The following ACBD6 variants were observed in gnomAD, a reference collection of about 807,000 sequenced individuals.
ACBD6 encodes the protein acyl-CoA binding domain containing 6.
Under a neutral mutation model 37.2 loss-of-function variants are expected in ACBD6, and 28 were observed. That is an observed-to-expected ratio of 0.75 (90% CI 0.56 to 1.03). The LOEUF is 1.03. ACBD6 is among the 50% of genes least tolerant of loss of function. The pLI is 0.00. For missense variants in ACBD6, 340 were observed against 337.4 expected (o/e 1.01, Z -0.06); for synonymous variants, 113 against 126.8 (o/e 0.89, Z 0.73).
At chr1:180,444,407 T>A (rs17300579) in intron 3 of ACBD6, among the ~76,000 whole-genome samples, 1 of 152,100 alleles carries the variant, frequency 6.6e-6, no homozygotes, top group Non-Finnish European at 1.5e-5. Flanking sequence ...CTCTTTCTAA[T>A]GCAACTGCAC....
intron 2 of ACBD6, among the ~76,000 whole-genome samples, chr1:180,494,709 ACT>A (rs1207832982): frequency 6.6e-6 from 1 of 151,952 alleles, no homozygotes; most frequent in East Asian, 1.9e-4. Flanking sequence ...TTCTTTTCTA[ACT>A]CTACCTTCTA....
chr1:180,500,208 C>T (rs1339722), intron 1 of ACBD6, among the ~76,000 whole-genome samples: 145,097 of 151,902 alleles, frequency 0.96, 69,361 homozygotes, highest in African/African-American at 0.99. Context: ...GGGGAAAATA[C>T]GTAACTATGT....
intron 6 of ACBD6, among the ~76,000 whole-genome samples, chr1:180,361,345 G>A (rs1558266326): frequency 6.7e-6 from 1 of 149,108 alleles, no homozygotes; most frequent in Admixed American, 6.7e-5. Flanking sequence ...ATGTCAGGGC[G>A]CTACCTTAAA....
At chr1:180,271,262 C>T (rs549956826) in exon 14 of ACBD6, 33 of 1,136,376 alleles carry the variant, frequency 2.9e-5, no homozygotes, top group Admixed American at 1.0e-4. Context: ...CTGTGCCTCG[C>T]GCTGTCCTGC....
At chr1:180,459,753 T>C (rs1650059618) in intron 3 of ACBD6, among the ~76,000 whole-genome samples, 1 of 152,166 alleles carries the variant, frequency 6.6e-6, no homozygotes, top group Admixed American at 6.5e-5. Context: ...ATTAAATGAG[T>C]GATGCTTATA....
At chr1:180,473,829 A>G (rs1650670412) in intron 3 of ACBD6, among the ~76,000 whole-genome samples, 1 of 152,166 alleles carries the variant, frequency 6.6e-6, no homozygotes, top group Non-Finnish European at 1.5e-5. Context: ...GCACATATAC[A>G]CACACACATA....
At chr1:180,410,558 G>A (rs1471985306) in intron 5 of ACBD6, among the ~76,000 whole-genome samples, 1 of 152,006 alleles carries the variant, frequency 6.6e-6, no homozygotes, top group African/African-American at 2.4e-5. Flanking sequence ...TATTCTGCCT[G>A]TGCTTTTGAA....
rs753609677 is a variant in ACBD6 at position 180,271,979 on chromosome 1, G to T, written c.*1254-8C>A. The T allele has an allele frequency of 4.3e-6, 7 of 1,612,844 alleles. No individual in the cohort carries two copies. In the South Asian group the frequency reaches 4.4e-5, roughly 10 times the overall value. On this transcript the variant is annotated splice_region_variant and splice_polypyrimidine_tract_variant and intron_variant, in intron 13 of 13. Transcript: ENST00000642319. The stretch of plus-strand genomic sequence containing the variant: ...GGAGAGCTCTGCAGAGGACTGTGGG[G>T]TTAGTGACAGTGAGCTGAGCTTCCG...
chr1:180,435,260 T>A, intron 3 of ACBD6: 3 of 621,116 alleles, frequency 4.8e-6, no homozygotes, highest in South Asian at 4.6e-5. Context: ...AGATGCATTT[T>A]TTTTTTGAGA....
chr1:180,347,710 G>T, intron 6 of ACBD6, among the ~76,000 whole-genome samples: 1 of 152,122 alleles, frequency 6.6e-6, no homozygotes, highest in Non-Finnish European at 1.5e-5. Flanking sequence ...GGTGGCTCAC[G>T]TCTGTAATCC....
chr1:180,481,245 A>ATT (rs55810683), intron 3 of ACBD6, among the ~76,000 whole-genome samples: 51 of 147,410 alleles, frequency 3.5e-4, no homozygotes, highest in Admixed American at 7.4e-4. Context: ...CTTGTTTTTG[A>ATT]TTTTTTTTTT....
intron 3 of ACBD6, among the ~76,000 whole-genome samples, chr1:180,490,280 CAT>C: frequency 6.6e-6 from 1 of 152,278 alleles, no homozygotes; most frequent in South Asian, 2.1e-4. Context: ...CCTTGAGAAA[CAT>C]ATTTGTATGC....
intron 3 of ACBD6, chr1:180,435,446 G>T: frequency 2.1e-6 from 1 of 467,076 alleles, no homozygotes; most frequent in Non-Finnish European, 3.8e-6. Context: ...GTAGAGACGG[G>T]GTTTCACCGT....
chr1:180,336,697 C>A (rs1226932255), intron 6 of ACBD6, among the ~76,000 whole-genome samples: 2 of 151,246 alleles, frequency 1.3e-5, no homozygotes, highest in Non-Finnish European at 2.9e-5. Flanking sequence ...ACACAAAAAA[C>A]CCTTCAAAAA....
chr1:180,364,339 T>C (rs1270392813), intron 6 of ACBD6, among the ~76,000 whole-genome samples: 1 of 152,228 alleles, frequency 6.6e-6, no homozygotes, highest in Admixed American at 6.5e-5. Flanking sequence ...TCTTATATAA[T>C]GTACATTTTT....
exon 10 of ACBD6, chr1:180,274,662 C>T (rs557484323): frequency 1.7e-5 from 24 of 1,412,312 alleles, no homozygotes; most frequent in African/African-American, 4.3e-5. Flanking sequence ...TTTTAAGGAT[C>T]GAAAGTACGC....
chr1:180,442,681 G>C (rs972769074), intron 3 of ACBD6, among the ~76,000 whole-genome samples: 4 of 151,764 alleles, frequency 2.6e-5, no homozygotes, highest in South Asian at 2.1e-4. Context: ...GCTTCATTTT[G>C]ATTAGTTTCA....
In ACBD6 at chr1:180,502,245, C is replaced by G; in HGVS notation, c.22G>C (p.Ala8Pro). 2.5e-6 allele frequency: 4 copies of G among 1,613,614 alleles called. No individual in the cohort carries two copies. Among genetic ancestry groups the G allele is most frequent in the Non-Finnish European group, 3.4e-6 (4 of 1,180,040 alleles). The change falls in exon 1 of 8, where the codon GCG becomes CCG. Residue 8 changes from alanine to proline, a missense_variant. Ala to Pro is a conservative substitution (Grantham distance 27). Coordinates refer to ENST00000367595, the MANE Select transcript of ACBD6 (RefSeq NM_032360.4). The stretch of plus-strand genomic sequence containing the variant: ...CCGCTGTCGCCGGTGATGGCCCCCG[C>G]GGGCAGGAATGATGAAGCCATGTCT... The part of the protein sequence containing the change: MASSFLP[A>P]GAITGDSGGE...
chr1:180,339,519 C>T (rs925702425), intron 6 of ACBD6, among the ~76,000 whole-genome samples: 16 of 110,704 alleles, frequency 1.4e-4, no homozygotes, highest in Admixed American at 7.5e-4. Context: ...CATCACACCC[C>T]GGGGCCTGTT....
Sources: allele counts gnomAD v4.1 joint callset (sites outside exome capture counted in the v4.1 genomes callset), GRCh38; gene constraint gnomAD v4.1.1; transcripts MANE v1.5; gene names NCBI Gene and HGNC (gene_info 2026-07-23, HGNC 2026-07-21).